Variants in SNAPC1 observed in about 807,000 individuals in gnomAD.
SNAPC1 encodes the protein snRNA-activating protein complex subunit 1.
In SNAPC1, 42 loss-of-function variants were observed where a neutral mutation model predicts 50.1. The ratio of observed to expected loss-of-function variants is 0.84; its 90% confidence interval spans 0.65 to 1.08. The LOEUF is 1.08. Among genes scored for constraint, SNAPC1 ranks in the 50% least tolerant of loss-of-function variants. SNAPC1 has a pLI of 0.00. For missense variants in SNAPC1, 477 were observed against 427.3 expected, an observed-to-expected ratio of 1.12 and a Z score of -1.02; for synonymous variants, 164 against 144.2, an observed-to-expected ratio of 1.14 and a Z score of -0.98.
At chr14:61,776,296 C>G (rs2028519) in intron 5 of SNAPC1, 43 bp downstream of exon 5, 23 of 1,536,518 alleles carry the variant, frequency 1.5e-5, no homozygotes, top group Non-Finnish European at 2.0e-5. Flanking sequence ...GTATTTTACA[C>G]GAATGTTTAT....
In SNAPC1 at chr14:61,792,885, A is replaced by G; in HGVS notation, c.1055A>G (p.Glu352Gly). Residue 352 changes from glutamate (E) to glycine (G), a missense_variant, in exon 9 of 10, where the codon GAA becomes GGA. Coordinates refer to ENST00000216294, the MANE Select transcript of SNAPC1 (RefSeq NM_003082.4). ...MPVITEEEEN[E>G]SLSGTEFTAS... ...GTAATTACAGAAGAAGAAGAGAATG[A>G]AAGTTTGAGTGGAACAGGTACAGAT... 6.2e-7 allele frequency: 1 copy of G among 1,601,372 alleles called. No individual in the cohort carries two copies.
intron 9 of SNAPC1, among the ~76,000 whole-genome samples, chr14:61,793,841 A>C (rs1029467734): frequency 1.8e-4 from 28 of 151,544 alleles, no homozygotes; most frequent in Admixed American, 1.3e-4. Flanking sequence ...ATTTTTGTAG[A>C]GATGGGGTTT....
At chr14:61,784,572 C>T (rs2045101296) in intron 8 of SNAPC1, among the ~76,000 whole-genome samples, 1 of 152,174 alleles carries the variant, frequency 6.6e-6, no homozygotes, top group Admixed American at 6.5e-5. Flanking sequence ...AACTACTCAG[C>T]TCTACCATCG....
At chr14:61,788,071 T>C (rs919246879) in intron 8 of SNAPC1, among the ~76,000 whole-genome samples, 3 of 137,208 alleles carry the variant, frequency 2.2e-5, no homozygotes, top group Non-Finnish European at 3.2e-5. Flanking sequence ...CCAATCATAA[T>C]TAGTTGCTGA....
intron 5 of SNAPC1, among the ~76,000 whole-genome samples, chr14:61,777,090 T>C (rs574411465): frequency 6.6e-6 from 1 of 152,370 alleles, no homozygotes; most frequent in South Asian, 2.1e-4. Context: ...GTTGGTGTTT[T>C]CACAAATGCC....
Position 61,782,244 on chromosome 14 carries a change from A to C in SNAPC1, c.826-3A>C. On this transcript the variant is annotated splice_region_variant and splice_polypyrimidine_tract_variant and intron_variant, in intron 7 of 9. Transcript: ENST00000216294. ...ATTGGTTAATTGGATTGTAACTCTTAAGGCATCCAAATCAAGAAGGCATCG... is the reference window on the plus strand; with the variant it reads ...ATTGGTTAATTGGATTGTAACTCTTCAGGCATCCAAATCAAGAAGGCATCG... 1 of 1,583,802 alleles carries C rather than the reference A, an allele frequency of 6.3e-7. No individual in the cohort carries two copies. The highest frequency in any genetic ancestry group is 8.6e-7 in the Non-Finnish European group (1 of 1,168,410).
chr14:61,782,453 A>C (rs1476395797), intron 8 of SNAPC1, 56 bp downstream of exon 8: 3 of 1,375,150 alleles, frequency 2.2e-6, no homozygotes, highest in Non-Finnish European at 3.0e-6. Context: ...TTTATTTACA[A>C]CTTTGCCTCA....
At chr14:61,775,070 A>G (rs975350242) in intron 4 of SNAPC1, among the ~76,000 whole-genome samples, 5 of 152,102 alleles carry the variant, frequency 3.3e-5, no homozygotes, top group African/African-American at 1.2e-4. Flanking sequence ...CTGTGATGGA[A>G]GTGTCAGTAG....
chr14:61,790,689 G>C (rs1259985562), intron 8 of SNAPC1, among the ~76,000 whole-genome samples: 1 of 152,098 alleles, frequency 6.6e-6, no homozygotes, highest in Non-Finnish European at 1.5e-5. Flanking sequence ...AGACCTTCTA[G>C]ATAATACATA....
intron 4 of SNAPC1, among the ~76,000 whole-genome samples, chr14:61,770,342 A>G (rs1259250706): frequency 6.6e-6 from 1 of 150,576 alleles, no homozygotes; most frequent in Non-Finnish European, 1.5e-5. Flanking sequence ...TCCTAGTTTC[A>G]AGTGATTCTT....
chr14:61,776,611 C>T (rs755780358), intron 5 of SNAPC1, among the ~76,000 whole-genome samples: 7 of 152,142 alleles, frequency 4.6e-5, no homozygotes, highest in Non-Finnish European at 8.8e-5. Flanking sequence ...TTGATTCTAA[C>T]ACTGTTTAAA....
chr14:61,777,254 CTT>C (rs2045041170), intron 5 of SNAPC1, among the ~76,000 whole-genome samples: 1 of 152,116 alleles, frequency 6.6e-6, no homozygotes, highest in Non-Finnish European at 1.5e-5. Context: ...AAGAAAATAA[CTT>C]TATTCCTCTG....
In SNAPC1 at chr14:61,794,566, C is replaced by T. The variant is rs147845999; in HGVS notation, c.1073-383C>T. Among the ~76,000 whole-genome samples the T allele has an allele frequency of 4.6e-5, 7 of 152,176 alleles. No homozygotes were observed. In the East Asian group the frequency reaches 1.2e-3, roughly 25 times the overall value. On this transcript the variant is annotated intron_variant, in intron 9 of 9. Transcript: ENST00000216294. The stretch of plus-strand genomic sequence containing the variant: ...TACTATAGACATGTACCACCACGCC[C>T]GGCTAATTTTTTGTATTTATTTTAG...
At chr14:61,779,711 T>TG (rs2045058359) in intron 7 of SNAPC1, among the ~76,000 whole-genome samples, 1 of 147,258 alleles carries the variant, frequency 6.8e-6, no homozygotes, top group Non-Finnish European at 1.5e-5. Flanking sequence ...TTTGTTGGTT[T>TG]TTTTTTTTTT....
intron 4 of SNAPC1, among the ~76,000 whole-genome samples, chr14:61,774,111 A>T (rs1339481455): frequency 6.6e-6 from 1 of 152,006 alleles, no homozygotes; most frequent in African/African-American, 2.4e-5. Flanking sequence ...GTCCAAGTCT[A>T]TAAGGCTCCA....
At position 61,767,273 on chromosome 14, in the gene SNAPC1, C is replaced by T. The variant is rs760932574; in HGVS notation, c.350C>T (p.Ala117Val). 1.3e-6 allele frequency: 2 copies of T among 1,534,784 alleles called. No homozygotes were observed. Among genetic ancestry groups the T allele is most frequent in the South Asian group, 1.3e-5 (1 of 77,106 alleles). Residue 117 changes from alanine to valine, a missense_variant, in exon 3 of 10, where the codon GCA becomes GTA. Physicochemically the swap from Ala to Val is moderately conservative, Grantham distance 64. Coordinates refer to ENST00000216294, the MANE Select transcript of SNAPC1 (RefSeq NM_003082.4). ...VLKFQQDLVN[A>V]QHFDAAYIFR... ...AAATTTCAGCAAGATTTAGTAAATG[C>T]ACAGCATTTTGATGCAGCTTATATT...
At chr14:61,790,261 C>G (rs765172125) in intron 8 of SNAPC1, among the ~76,000 whole-genome samples, 1 of 152,080 alleles carries the variant, frequency 6.6e-6, no homozygotes, top group Non-Finnish European at 1.5e-5. Flanking sequence ...CACCATTCCT[C>G]GAATATAACA....
At chr14:61,769,219 A>G (rs1294493481) in intron 4 of SNAPC1, among the ~76,000 whole-genome samples, 4 of 151,794 alleles carry the variant, frequency 2.6e-5, no homozygotes, top group Non-Finnish European at 5.9e-5. Context: ...TTAGCTGGGC[A>G]TGGTGGCGCA....
intron 5 of SNAPC1, 135 bp from the exon 6 acceptor site, chr14:61,777,937 G>C (rs925730411): frequency 1.9e-6 from 1 of 531,572 alleles, no homozygotes; most frequent in African/African-American, 2.0e-5. Context: ...ATGTTAGGTG[G>C]TATATAATGT....
Sources: allele counts gnomAD v4.1 joint callset (sites outside exome capture counted in the v4.1 genomes callset), GRCh38; gene constraint gnomAD v4.1.1; transcripts MANE v1.5; gene names NCBI Gene and HGNC (gene_info 2026-07-23, HGNC 2026-07-21).